The following PLD5 variants were observed in gnomAD, a reference collection of about 807,000 sequenced individuals.
PLD5 encodes phospholipase D family member 5, also known as inactive phospholipase D5.
Under a neutral mutation model 61.1 loss-of-function variants are expected in PLD5, and 36 were observed. The observed-to-expected ratio is 0.59, with a 90% confidence interval of 0.45 to 0.78. The LOEUF (loss-of-function observed/expected upper bound fraction) is 0.78, where lower values mean the gene tolerates loss of function less well. Ranked by LOEUF, PLD5 falls within the 30% of genes least tolerant of loss-of-function variation. The pLI is 0.00. For missense variants in PLD5, 515 were observed against 644.4 expected, an observed-to-expected ratio of 0.80 and a Z score of 2.17; for synonymous variants, 243 against 242.8, an observed-to-expected ratio of 1.00 and a Z score of -0.01.
intron 1 of PLD5, among the ~76,000 whole-genome samples, chr1:242,395,946 G>C (rs767505916): frequency 1.3e-5 from 2 of 152,160 alleles, no homozygotes; most frequent in Non-Finnish European, 2.9e-5. Flanking sequence ...TACTTGGGAG[G>C]CTGGGGCAGG....
intron 5 of PLD5, among the ~76,000 whole-genome samples, chr1:242,187,458 G>A (rs865949621): frequency 6.6e-6 from 1 of 152,114 alleles, no homozygotes; most frequent in Non-Finnish European, 1.5e-5. Context: ...TTTGTTGTGT[G>A]CACTTGTGCA....
intron 1 of PLD5, among the ~76,000 whole-genome samples, chr1:242,521,337 G>T (rs951431202): frequency 6.6e-6 from 1 of 152,124 alleles, no homozygotes; most frequent in Admixed American, 6.6e-5. Context: ...CAGAAAAGAA[G>T]AAATAAATTA....
At chr1:242,472,788 T>C (rs1003564977) in intron 1 of PLD5, among the ~76,000 whole-genome samples, 101 of 152,328 alleles carry the variant, frequency 6.6e-4, no homozygotes, top group African/African-American at 2.4e-3. Flanking sequence ...TAACAGTCTC[T>C]ACTTTATCAA....
intron 2 of PLD5, among the ~76,000 whole-genome samples, chr1:242,292,405 C>T (rs1160766002): frequency 1.3e-5 from 2 of 152,166 alleles, no homozygotes; most frequent in East Asian, 3.9e-4. Context: ...ACAGGAAGCC[C>T]AGATAAACCA....
chr1:242,462,182 G>A (rs758369504), intron 1 of PLD5, among the ~76,000 whole-genome samples: 73 of 152,064 alleles, frequency 4.8e-4, no homozygotes, highest in Admixed American at 1.0e-3. Context: ...AGACACATGC[G>A]CTCATATGTT....
At chr1:242,241,549 C>A (rs1433217712) in intron 4 of PLD5, among the ~76,000 whole-genome samples, 1 of 142,088 alleles carries the variant, frequency 7.0e-6, no homozygotes. Flanking sequence ...CTGGGTAGTG[C>A]TGAAAAATGA....
rs200694641 is a variant in PLD5, at chr1:242,109,521, G to GTGGA, written c.1071-1686_1071-1683dup. On this transcript the variant is annotated intron_variant, in intron 7 of 9. Transcript: ENST00000536534. The stretch of plus-strand genomic sequence containing the variant: ...GCCACCCCCCACAAAAATCCATAAA[G>GTGGA]TGGAAGCTCCACAAAGTCACAAGAC... Among the ~76,000 whole-genome samples, 983 of 152,186 alleles carry GTGGA rather than the reference G, an allele frequency of 6.5e-3. 21 individuals are homozygous for GTGGA. The highest frequency in any genetic ancestry group is 0.022 in the African/African-American group (923 of 41,534).
intron 2 of PLD5, among the ~76,000 whole-genome samples, chr1:242,343,280 C>T (rs1486107292): frequency 6.6e-6 from 1 of 151,900 alleles, no homozygotes; most frequent in Non-Finnish European, 1.5e-5. Context: ...AAAGGTTGAA[C>T]TGCGTAAGCA....
chr1:242,108,020 A>G (rs1661199143), intron 7 of PLD5, among the ~76,000 whole-genome samples, 181 bp from the exon 8 acceptor site: 1 of 152,114 alleles, frequency 6.6e-6, no homozygotes. Context: ...CCAAGAAATG[A>G]TGATTTGCTG....
At position 242,349,262 on chromosome 1, in the gene PLD5, C is replaced by T. The variant is rs116253772; in HGVS notation, c.190-1020G>A. Among the ~76,000 whole-genome samples, 239 of 152,200 alleles carry T rather than the reference C, an allele frequency of 1.6e-3. 1 individual carries two copies. The highest frequency in any genetic ancestry group is 2.5e-3 in the Non-Finnish European group (170 of 68,010). On this transcript the variant is annotated intron_variant, in intron 1 of 9. Transcript: ENST00000536534. Reference sequence around the variant, plus strand: ...GGTTGTAGAGACCAAGGATTTATCACGCAGATGACGCTTCTAGGTAGCGGG... The same window carrying T: ...GGTTGTAGAGACCAAGGATTTATCATGCAGATGACGCTTCTAGGTAGCGGG...
intron 1 of PLD5, among the ~76,000 whole-genome samples, chr1:242,495,224 C>G (rs779314388): frequency 5.3e-5 from 8 of 152,080 alleles, no homozygotes; most frequent in Non-Finnish European, 1.0e-4. Context: ...CTCCCCCAAC[C>G]AGTGCCCAGC....
chr1:242,264,413 A>G (rs1447118037), intron 4 of PLD5, among the ~76,000 whole-genome samples: 2 of 152,196 alleles, frequency 1.3e-5, no homozygotes, highest in East Asian at 1.9e-4. Context: ...GACTTTCAAT[A>G]TGCTTTATCA....
chr1:242,389,267 G>T (rs1244419863), intron 1 of PLD5, among the ~76,000 whole-genome samples: 1 of 152,038 alleles, frequency 6.6e-6, no homozygotes, highest in Non-Finnish European at 1.5e-5. Flanking sequence ...AATCTTAAAT[G>T]CTAGCCCCCT....
At chr1:242,439,523 G>A (rs553670751) in intron 1 of PLD5, among the ~76,000 whole-genome samples, 1 of 152,252 alleles carries the variant, frequency 6.6e-6, no homozygotes, top group East Asian at 1.9e-4. Context: ...AAAGAGAAGG[G>A]CATAGAATCT....
intron 1 of PLD5, among the ~76,000 whole-genome samples, chr1:242,496,827 A>G (rs1053662770): frequency 6.6e-6 from 1 of 152,248 alleles, no homozygotes; most frequent in Non-Finnish European, 1.5e-5. Flanking sequence ...GCAGGATTAT[A>G]TGTGTCAGCC....
At chr1:242,187,172 A>G (rs1316899508) in intron 5 of PLD5, among the ~76,000 whole-genome samples, 1 of 152,170 alleles carries the variant, frequency 6.6e-6, no homozygotes, top group Non-Finnish European at 1.5e-5. Flanking sequence ...GGGGACCCCC[A>G]TTCCTCAATA....
chr1:242,154,823 CTG>C (rs915880410), intron 5 of PLD5, among the ~76,000 whole-genome samples: 22 of 152,088 alleles, frequency 1.4e-4, no homozygotes, highest in Non-Finnish European at 7.4e-5. Context: ...TGTTTTGTCT[CTG>C]TCAGGTTTTG....
At chr1:242,304,887 T>C (rs1676259770) in intron 2 of PLD5, among the ~76,000 whole-genome samples, 1 of 152,140 alleles carries the variant, frequency 6.6e-6, no homozygotes, top group Admixed American at 6.5e-5. Flanking sequence ...GCAGATCGCT[T>C]GTGCCCAGCA....
At chr1:242,286,553 T>G (rs1675037218) in intron 3 of PLD5, among the ~76,000 whole-genome samples, 1 of 151,294 alleles carries the variant, frequency 6.6e-6, no homozygotes, top group Non-Finnish European at 1.5e-5. Flanking sequence ...CTCCCACTGG[T>G]TTTATACCCC....
Sources: allele counts gnomAD v4.1 joint callset (sites outside exome capture counted in the v4.1 genomes callset), GRCh38; gene constraint gnomAD v4.1.1; transcripts MANE v1.5; gene names NCBI Gene and HGNC (gene_info 2026-07-23, HGNC 2026-07-21).